Variants in PLEKHO1 observed in about 807,000 individuals in gnomAD.
The protein encoded by PLEKHO1 is pleckstrin homology domain-containing family O member 1.
Under a neutral mutation model 41.4 loss-of-function variants are expected in PLEKHO1, and 22 were observed. That is an observed-to-expected ratio of 0.53 (90% CI 0.38 to 0.76). PLEKHO1 has a LOEUF of 0.76. Ranked by LOEUF, PLEKHO1 falls within the 30% of genes least tolerant of loss-of-function variation. PLEKHO1 has a pLI of 0.00. For synonymous variants in PLEKHO1, 225 were observed against 210.8 expected, an observed-to-expected ratio of 1.07 and a Z score of -0.58; for missense variants, 488 against 518.3, an observed-to-expected ratio of 0.94 and a Z score of 0.57.
In PLEKHO1 at chr1:150,159,394, C is replaced by A. The variant is rs148396210; in HGVS notation, c.1101C>A (p.Ser367Arg). Residue 367 changes from serine (S) to arginine (R), a missense_variant, in exon 6 of 6, where the codon AGC becomes AGA. This residue lies in a region of PLEKHO1 where 337 missense variants were observed against 324.6 expected (regional missense o/e 1.04). Coordinates refer to ENST00000369124, the MANE Select transcript of PLEKHO1 (RefSeq NM_016274.6). ...RLLGEASSNW[S>R]QAKRVLQEVR... is the part of the protein sequence containing the mutation. ...TGGGAGAGGCATCATCGAATTGGAG[C>A]CAGGCAAAGAGGGTGCTGCAGGAGG... 8 of 1,613,948 alleles carry A rather than the reference C, an allele frequency of 5.0e-6. No individual in the cohort carries two copies. The African/African-American group carries it at 1.1e-4, about 22-fold the overall frequency.
rs141174945 is a variant in PLEKHO1, at chr1:150,159,158, C to T, written c.865C>T (p.Leu289=). 4.8e-4 allele frequency: 767 copies of T among 1,611,162 alleles called. 7 individuals are homozygous for T. In the African/African-American group the frequency reaches 9.0e-3, roughly 19 times the overall value. Reference sequence around the variant, plus strand: ...TGCTGCCTCTGCCCGCACCCTCCAGCTGCGGGCTGAGGAACCCCCAACCCC... The same window carrying T: ...TGCTGCCTCTGCCCGCACCCTCCAGTTGCGGGCTGAGGAACCCCCAACCCC... ...RDAASARTLQ[L]RAEEPPTPAL... Residue 289 remains leucine (L), a synonymous_variant, in exon 6 of 6, where the codon CTG becomes TTG. Coordinates refer to ENST00000369124, the MANE Select transcript of PLEKHO1 (RefSeq NM_016274.6).
intron 2 of PLEKHO1, chr1:150,155,392 G>A (rs1189476829): frequency 6.6e-6 from 1 of 152,278 alleles, no homozygotes; most frequent in Non-Finnish European, 1.5e-5. Context: ...TTAGAGGGAG[G>A]AGGAAAGGGT....
intron 5 of PLEKHO1, among the ~76,000 whole-genome samples, 182 bp downstream of exon 5, chr1:150,157,668 C>T (rs1215672082): frequency 6.6e-6 from 1 of 152,186 alleles, no homozygotes; most frequent in Non-Finnish European, 1.5e-5. Flanking sequence ...ATTCAGCGCC[C>T]ATTAGGAGTT....
chr1:150,157,715 G>A (rs375748795), intron 5 of PLEKHO1, among the ~76,000 whole-genome samples: 5 of 152,318 alleles, frequency 3.3e-5, no homozygotes, highest in African/African-American at 1.2e-4. Context: ...ACCCTCTTTC[G>A]GAGAAAATGA....
chr1:150,151,076 C>A lies in PLEKHO1; in HGVS notation c.177+18C>A, dbSNP rs1559958398. On this transcript the variant is annotated intron_variant, in intron 2 of 5. Transcript: ENST00000369124. ...AGAAGGAGGTGGGTGCCTCTTGCCT[C>A]TAACTCTCCGTTTTCTCATAGCCCC... The A allele has an allele frequency of 1.2e-6, 2 of 1,613,340 alleles. No homozygotes were observed. The highest frequency in any genetic ancestry group is 1.7e-6 in the Non-Finnish European group (2 of 1,179,528).
At chr1:150,157,182 G>C in intron 4 of PLEKHO1, 167 bp downstream of exon 4, 1 of 697,500 alleles carries the variant, frequency 1.4e-6, no homozygotes, top group Non-Finnish European at 2.6e-6. Flanking sequence ...TTCTCTCCAA[G>C]TCTCATCTGA....
At chr1:150,157,547 A>G (rs1660225684) in intron 5 of PLEKHO1, 61 bp downstream of exon 5, 1 of 1,193,132 alleles carries the variant, frequency 8.4e-7, no homozygotes, top group Non-Finnish European at 1.2e-6. Context: ...CATCTCAGAC[A>G]GAACTGTATG....
chr1:150,151,111 A>C (rs1659909155), intron 2 of PLEKHO1, 53 bp downstream of exon 2: 3 of 1,599,534 alleles, frequency 1.9e-6, no homozygotes, highest in African/African-American at 1.3e-5. Context: ...CCACTTTGTC[A>C]CTCCCCAAGG....
intron 2 of PLEKHO1, chr1:150,155,704 A>G (rs1220081545): frequency 5.7e-6 from 1 of 175,116 alleles, no homozygotes; most frequent in Admixed American, 6.2e-5. Flanking sequence ...TGGATCAACC[A>G]TCTACCATGT....
Position 150,150,917 on chromosome 1 carries a change from T to C in PLEKHO1, c.36T>C (p.Pro12=), listed in dbSNP as rs781998715. 6.2e-7 allele frequency: 1 copy of C among 1,613,556 alleles called. No homozygotes were observed. Among genetic ancestry groups the C allele is most frequent in the Non-Finnish European group, 8.5e-7 (1 of 1,179,508 alleles). Reference sequence around the variant, plus strand: ...CTCATCTTGTCCTGGGGCAGGGACCTCAGGATGGAAACCAGCAGCCTGCAC... The same window carrying C: ...CTCATCTTGTCCTGGGGCAGGGACCCCAGGATGGAAACCAGCAGCCTGCAC... ...MKKNNSAKRG[P]QDGNQQPAPP... The change falls in exon 2 of 6, where the codon CCT becomes CCC. Residue 12 remains proline, a synonymous_variant. Transcript: ENST00000369124.
At chr1:150,157,903 C>A (rs1283083042) in intron 5 of PLEKHO1, among the ~76,000 whole-genome samples, 1 of 152,108 alleles carries the variant, frequency 6.6e-6, no homozygotes, top group East Asian at 1.9e-4. Context: ...GAGAGGCAGG[C>A]AGGTATAATG....
chr1:150,151,112 C>T (rs371203990), intron 2 of PLEKHO1, 54 bp downstream of exon 2: 2 of 1,600,416 alleles, frequency 1.2e-6, no homozygotes, highest in Admixed American at 1.7e-5. Flanking sequence ...CACTTTGTCA[C>T]TCCCCAAGGG....
chr1:150,155,469 C>T (rs1660126287), intron 2 of PLEKHO1: 1 of 152,340 alleles, frequency 6.6e-6, no homozygotes, highest in Non-Finnish European at 1.5e-5. Context: ...GGGCTGCCGT[C>T]CTGTGGTGGC....
At chr1:150,156,610 A>G (rs2101689917) in intron 3 of PLEKHO1, among the ~76,000 whole-genome samples, 1 of 152,304 alleles carries the variant, frequency 6.6e-6, no homozygotes, top group East Asian at 1.9e-4. Context: ...TCAAACATTG[A>G]AAGATTTGTA....
At chr1:150,150,812 G>A in intron 1 of PLEKHO1, 100 bp from the exon 2 acceptor site, 1 of 1,152,210 alleles carries the variant, frequency 8.7e-7, no homozygotes, top group African/African-American at 1.5e-5. Flanking sequence ...CGCAGCCTTC[G>A]GAGGAGACTG....
intron 2 of PLEKHO1, 177 bp from the exon 3 acceptor site, chr1:150,155,889 C>A: frequency 1.6e-6 from 1 of 623,262 alleles, no homozygotes. Flanking sequence ...TTGGAGCTGC[C>A]CTAGCGTCCT....
At chr1:150,154,656 G>A (rs894679861) in intron 2 of PLEKHO1, 5 of 152,234 alleles carry the variant, frequency 3.3e-5, no homozygotes, top group Non-Finnish European at 7.3e-5. Flanking sequence ...TCAGAACTTG[G>A]GAAGTTGGGG....
rs1163837731 is a variant in PLEKHO1 at position 150,159,712 on chromosome 1, A to G, written c.*189A>G. On this transcript the variant is annotated 3_prime_UTR_variant, in exon 6 of 6. Coordinates refer to ENST00000369124, the MANE Select transcript of PLEKHO1 (RefSeq NM_016274.6). ...TCCATATGCCCCTCGTATGCCCCTCAGGTTTGAGGAAGTGACCCCGCAGCA... is the reference window on the plus strand; with the variant it reads ...TCCATATGCCCCTCGTATGCCCCTCGGGTTTGAGGAAGTGACCCCGCAGCA... 1 of 515,030 alleles carries G rather than the reference A, an allele frequency of 1.9e-6. No individual in the cohort carries two copies. The highest frequency in any genetic ancestry group is 1.9e-5 in the African/African-American group (1 of 52,800). 31.9% of individuals were successfully genotyped at this position (515,030 alleles called of 1,614,324 possible).
intron 2 of PLEKHO1, 72 bp downstream of exon 2, chr1:150,151,130 A>G: frequency 6.5e-7 from 1 of 1,549,792 alleles, no homozygotes; most frequent in Non-Finnish European, 8.9e-7. Flanking sequence ...GGGCTCGCCT[A>G]GCTTACTCCA....
Sources: allele counts gnomAD v4.1 joint callset (sites outside exome capture counted in the v4.1 genomes callset), GRCh38; gene constraint gnomAD v4.1.1; regional missense constraint gnomAD v4.1.1; transcripts MANE v1.5; gene names NCBI Gene and HGNC (gene_info 2026-07-23, HGNC 2026-07-21).